The following PCNX1 variants were observed in gnomAD, a reference collection of about 807,000 sequenced individuals.
PCNX1 encodes pecanex 1, also known as pecanex-like protein 1.
A neutral mutation model predicts 242.2 loss-of-function variants in PCNX1; 78 were observed. The ratio of observed to expected loss-of-function variants is 0.32; its 90% CI spans 0.27 to 0.39. The LOEUF is 0.39. PCNX1 is among the 10% of genes least tolerant of loss of function. The pLI is 1.00. For missense variants in PCNX1, 2,581 were observed against 2,856.5 expected, an observed-to-expected ratio of 0.90 and a Z score of 2.20; for synonymous variants, 1,024 against 1,032.9, an observed-to-expected ratio of 0.99 and a Z score of 0.17.
At chr14:71,042,171 A>G (rs1157744096) in intron 19 of PCNX1, among the ~76,000 whole-genome samples, 1 of 152,158 alleles carries the variant, frequency 6.6e-6, no homozygotes, top group Non-Finnish European at 1.5e-5. Flanking sequence ...GATGACATAA[A>G]TGTCTGCTAG....
chr14:71,104,375 CAG>C (rs1242506878), intron 32 of PCNX1, among the ~76,000 whole-genome samples: 1 of 152,116 alleles, frequency 6.6e-6, no homozygotes, highest in African/African-American at 2.4e-5. Flanking sequence ...CAATATAAGT[CAG>C]GGGAGTGTTC....
At position 70,956,387 on chromosome 14, in the gene PCNX1, AT is replaced by A. The variant is rs201866493; in HGVS notation, c.363-5838del. Among the ~76,000 whole-genome samples, 1,290 of 152,130 alleles carry A rather than the reference AT, an allele frequency of 8.5e-3. 21 individuals carry two copies. Among genetic ancestry groups the A allele is most frequent in the African/African-American group, 0.03 (1,243 of 41,486 alleles). On this transcript the variant is annotated intron_variant, in intron 2 of 35. Coordinates refer to ENST00000304743, the MANE Select transcript of PCNX1 (RefSeq NM_014982.3). ...GTGAGACTCTGTCTCTACCAAAAAA[AT>A]AAATAAATAAATAAAAAATTAGCCG... is the stretch of plus-strand genomic sequence containing the variant.
At chr14:71,042,281 A>G (rs2060728003) in intron 19 of PCNX1, among the ~76,000 whole-genome samples, 1 of 152,168 alleles carries the variant, frequency 6.6e-6, no homozygotes, top group African/African-American at 2.4e-5. Context: ...TGATGTTCCC[A>G]ACTATTACTC....
In PCNX1 at chr14:71,011,530, G is replaced by T; in HGVS notation, c.2759G>T (p.Arg920Leu). ...CATGTATCCAGTTCTACCTCAGTTC[G>T]ATTTTATCCACATGATGTGGTAGGT... is the stretch of plus-strand genomic sequence containing the variant. ...DSHVSSSTSVRFYPHDVLSLP... is the reference protein window; with the variant it reads ...DSHVSSSTSVLFYPHDVLSLP... The change falls in exon 10 of 36, where the codon CGA becomes CTA. Residue 920 changes from arginine to leucine, a missense_variant. Physicochemically the swap from Arg to Leu is moderately radical, Grantham distance 102 (BLOSUM62 -2). This residue lies in a region of PCNX1 where 1,204 missense variants were observed against 1,216.7 expected (regional missense o/e 0.99). Transcript: ENST00000304743. The T allele has an allele frequency of 1.3e-6, 2 of 1,564,914 alleles. No homozygotes were observed. Among genetic ancestry groups the T allele is most frequent in the South Asian group, 2.2e-5 (2 of 88,920 alleles).
intron 30 of PCNX1, among the ~76,000 whole-genome samples, chr14:71,090,440 A>C (rs2062099650): frequency 6.6e-6 from 1 of 152,198 alleles, no homozygotes; most frequent in South Asian, 2.1e-4. Context: ...TTATAGTATA[A>C]TCTAAAGTGT....
intron 30 of PCNX1, among the ~76,000 whole-genome samples, chr14:71,099,630 T>C (rs754048819): frequency 1.8e-4 from 27 of 152,158 alleles, no homozygotes; most frequent in Non-Finnish European, 3.7e-4. Flanking sequence ...AGTCCAGAGT[T>C]TCTTTGTTAG....
At chr14:71,080,917 T>G (rs1162718108) in intron 28 of PCNX1, among the ~76,000 whole-genome samples, 2 of 152,040 alleles carry the variant, frequency 1.3e-5, no homozygotes, top group Non-Finnish European at 2.9e-5. Flanking sequence ...TGAGTAGGAG[T>G]GGTGAGAGAG....
chr14:70,931,861 C>T (rs1232466838), intron 1 of PCNX1, among the ~76,000 whole-genome samples: 10 of 152,168 alleles, frequency 6.6e-5, no homozygotes, highest in East Asian at 1.9e-4. Flanking sequence ...CGGTGGCTCA[C>T]GCCTGTAATC....
intron 7 of PCNX1, among the ~76,000 whole-genome samples, chr14:70,992,232 T>C (rs954765838): frequency 2.0e-5 from 3 of 152,068 alleles, no homozygotes; most frequent in Admixed American, 6.5e-5. Flanking sequence ...TTCTAGTTAA[T>C]TGCCTGGAAT....
chr14:71,039,765 C>A (rs2060653144), intron 19 of PCNX1, among the ~76,000 whole-genome samples: 1 of 152,116 alleles, frequency 6.6e-6, no homozygotes, highest in South Asian at 2.1e-4. Context: ...AGTCTCATTC[C>A]AGTACAGTTG....
chr14:70,976,298 T>C (rs1187443387), intron 5 of PCNX1, among the ~76,000 whole-genome samples: 2 of 152,152 alleles, frequency 1.3e-5, no homozygotes, highest in Non-Finnish European at 2.9e-5. Flanking sequence ...AGTTAGTAAG[T>C]TGGAGATAGA....
intron 33 of PCNX1, among the ~76,000 whole-genome samples, chr14:71,108,082 C>G (rs2062673192): frequency 6.6e-6 from 1 of 152,078 alleles, no homozygotes; most frequent in African/African-American, 2.4e-5. Flanking sequence ...AACTCTGTAC[C>G]CTTTGACCAA....
At chr14:70,993,890 TG>T (rs1404736608) in intron 7 of PCNX1, among the ~76,000 whole-genome samples, 1 of 152,216 alleles carries the variant, frequency 6.6e-6, no homozygotes, top group Admixed American at 6.5e-5. Context: ...TAACAAATTA[TG>T]TATGTATGGA....
At chr14:71,052,051 T>G in intron 24 of PCNX1, 39 bp downstream of exon 24, 1 of 1,505,318 alleles carries the variant, frequency 6.6e-7, no homozygotes, top group Non-Finnish European at 9.1e-7. Context: ...ATTTTTATCT[T>G]TCCTACTGGG....
chr14:71,020,151 A>G (rs924301381), intron 12 of PCNX1, among the ~76,000 whole-genome samples: 6 of 152,168 alleles, frequency 3.9e-5, no homozygotes, highest in Admixed American at 6.5e-5. Context: ...CATGTTGTAT[A>G]TGTGCCACAT....
At position 70,973,876 on chromosome 14, in the gene PCNX1, C is replaced by T. The variant is rs186406915; in HGVS notation, c.605-3066C>T. On this transcript the variant is annotated intron_variant, in intron 5 of 35. Transcript: ENST00000304743. ...CATATTTTTTTGCTTTGATATAATTCAGTGGTTTTTAGAATATTATGCATC... is the reference window on the plus strand; with the variant it reads ...CATATTTTTTTGCTTTGATATAATTTAGTGGTTTTTAGAATATTATGCATC... 5.9e-5 allele frequency among the ~76,000 whole-genome samples: 9 copies of T among 151,796 alleles called. No individual in the cohort carries two copies. In the East Asian group the frequency reaches 1.7e-3, roughly 29 times the overall value.
intron 27 of PCNX1, 29 bp downstream of exon 27, chr14:71,073,827 A>G (rs1311495309): frequency 6.6e-7 from 1 of 1,505,194 alleles, no homozygotes; most frequent in African/African-American, 1.4e-5. Context: ...TTAGATCTTT[A>G]GATAATCAGA....
intron 19 of PCNX1, among the ~76,000 whole-genome samples, chr14:71,036,838 G>A (rs535068470): frequency 1.3e-5 from 2 of 152,214 alleles, no homozygotes; most frequent in African/African-American, 4.8e-5. Context: ...GGCATTGGTA[G>A]CTTGATGGGG....
chr14:70,985,624 AAC>A (rs1425666094), intron 6 of PCNX1, among the ~76,000 whole-genome samples: 1 of 152,180 alleles, frequency 6.6e-6, no homozygotes, highest in Non-Finnish European at 1.5e-5. Flanking sequence ...CAAAATATAC[AAC>A]TCTCTGGATA....
Sources: gnomAD v4.1 joint callset for allele counts (sites outside exome capture counted in the v4.1 genomes callset) on GRCh38, gnomAD v4.1.1 for gene constraint, gnomAD v4.1.1 regional missense constraint, MANE v1.5 for transcripts, NCBI Gene and HGNC (gene_info 2026-07-23, HGNC 2026-07-21) for gene names.